The following SHANK2 variants were observed in gnomAD, a reference collection of about 807,000 sequenced individuals.
SHANK2 encodes SH3 and multiple ankyrin repeat domains 2.
Under a neutral mutation model 133.7 loss-of-function variants are expected in SHANK2, and 43 were observed. That is an observed-to-expected ratio of 0.32 (90% CI 0.25 to 0.41). The LOEUF is 0.41. SHANK2 is among the 10% of genes least tolerant of loss of function. SHANK2 has a pLI of 1.00. For synonymous variants in SHANK2, 1,017 were observed against 952.8 expected (o/e 1.07, Z -1.24); for missense variants, 1,994 against 2,235.8 (o/e 0.89, Z 2.18).
At chr11:71,249,420 C>T (rs782356848) in intron 1 of SHANK2, among the ~76,000 whole-genome samples, 36 of 152,170 alleles carry the variant, frequency 2.4e-4, no homozygotes, top group Non-Finnish European at 4.3e-4. Context: ...AGTGGAGGCT[C>T]CTGAAGAGGC....
intron 11 of SHANK2, among the ~76,000 whole-genome samples, chr11:70,873,701 G>A (rs1031488571): frequency 1.3e-5 from 2 of 150,938 alleles, no homozygotes; most frequent in East Asian, 1.9e-4. Context: ...CATTGAGTGC[G>A]TCCCCTGCTC....
At chr11:71,105,159 C>T (rs1326045380) in intron 6 of SHANK2, among the ~76,000 whole-genome samples, 2 of 152,162 alleles carry the variant, frequency 1.3e-5, no homozygotes, top group Non-Finnish European at 2.9e-5. Flanking sequence ...AAAGGAAACG[C>T]GCTTCCAAGC....
At chr11:70,802,784 A>AC (rs562212652) in intron 13 of SHANK2, among the ~76,000 whole-genome samples, 1 of 151,398 alleles carries the variant, frequency 6.6e-6, no homozygotes, top group Non-Finnish European at 1.5e-5. Flanking sequence ...CTGTGCCCCC[A>AC]CCCCCCAGCA....
In SHANK2 at chr11:70,502,908, T is replaced by G; in HGVS notation, c.2085A>C (p.Lys695Asn). 6.2e-7 allele frequency: 1 copy of G among 1,614,132 alleles called. No individual in the cohort carries two copies. Among genetic ancestry groups the G allele is most frequent in the South Asian group, 1.1e-5 (1 of 91,086 alleles). The change falls in exon 18 of 26, where the codon AAA (lysine) becomes AAC (asparagine). Residue 695 changes from lysine to asparagine, a missense_variant. Coordinates refer to ENST00000601538, the MANE Select transcript of SHANK2 (RefSeq NM_012309.5). ...TGTTCACCACCTGCCTGTGGCCGACTTTGACAACATTCTCATTGTTAACCT... is the reference window on the plus strand; with the variant it reads ...TGTTCACCACCTGCCTGTGGCCGACGTTGACAACATTCTCATTGTTAACCT... The part of the protein sequence containing the change: ...LIEVNNENVV[K>N]VGHRQVVNMI...
At chr11:70,860,502 A>G (rs574626779) in intron 11 of SHANK2, among the ~76,000 whole-genome samples, 72 of 152,334 alleles carry the variant, frequency 4.7e-4, no homozygotes, top group African/African-American at 1.5e-3. Flanking sequence ...TCGTCTGTCC[A>G]TCTTCAATCC....
intron 11 of SHANK2, among the ~76,000 whole-genome samples, chr11:70,869,779 G>A (rs988324853): frequency 6.6e-6 from 1 of 152,168 alleles, no homozygotes; most frequent in Non-Finnish European, 1.5e-5. Context: ...AGTCCATGGT[G>A]GTGTTGTTGG....
At chr11:70,806,939 G>C (rs1296865528) in intron 13 of SHANK2, 63 bp downstream of exon 13, 1 of 674,292 alleles carries the variant, frequency 1.5e-6, no homozygotes, top group African/African-American at 1.8e-5. Flanking sequence ...CCCACAGCAG[G>C]CCGGGTGAAG....
chr11:70,716,488 CTTT>C (rs1420882208), intron 14 of SHANK2, among the ~76,000 whole-genome samples: 2 of 152,214 alleles, frequency 1.3e-5, no homozygotes, highest in Non-Finnish European at 1.5e-5. Flanking sequence ...ACAGCTGCTT[CTTT>C]ATTGCTCGGG....
At chr11:71,245,534 T>C (rs1284053374) in intron 1 of SHANK2, among the ~76,000 whole-genome samples, 1 of 152,200 alleles carries the variant, frequency 6.6e-6, no homozygotes, top group South Asian at 2.1e-4. Context: ...CTGCTTTACC[T>C]GAAAGTGAAC....
chr11:70,528,616 A>C (rs1213474975), intron 17 of SHANK2, among the ~76,000 whole-genome samples: 10 of 152,096 alleles, frequency 6.6e-5, no homozygotes, highest in Non-Finnish European at 1.5e-4. Flanking sequence ...CCCAGGCAGA[A>C]GCAGGCCCGG....
At chr11:70,687,321 A>G (rs960125230) in intron 15 of SHANK2, among the ~76,000 whole-genome samples, 14 of 152,340 alleles carry the variant, frequency 9.2e-5, no homozygotes, top group African/African-American at 3.4e-4. Context: ...TCAGATCAGC[A>G]CACTTCATTA....
chr11:71,096,756 A>C (rs1351024882), intron 6 of SHANK2, among the ~76,000 whole-genome samples: 1 of 152,226 alleles, frequency 6.6e-6, no homozygotes, highest in East Asian at 1.9e-4. Flanking sequence ...CCTTTTGCCC[A>C]ATGCAAAAAG....
intron 10 of SHANK2, among the ~76,000 whole-genome samples, chr11:70,937,750 C>T (rs7124463): frequency 0.28 from 43,014 of 151,604 alleles, 7,226 homozygotes; most frequent in African/African-American, 0.47. Context: ...GAAAAAAGGT[C>T]TAGGTCAAGT....
intron 7 of SHANK2, among the ~76,000 whole-genome samples, chr11:71,092,932 C>G (rs1951543226): frequency 6.6e-6 from 1 of 150,600 alleles, no homozygotes; most frequent in Non-Finnish European, 1.5e-5. Context: ...ATCCCAGCTA[C>G]TTGGGAGGCT....
intron 17 of SHANK2, among the ~76,000 whole-genome samples, chr11:70,638,848 T>C (rs901022285): frequency 6.6e-6 from 1 of 151,764 alleles, no homozygotes; most frequent in Non-Finnish European, 1.5e-5. Flanking sequence ...AATACAAAAA[T>C]TAGCTGGGCA....
At chr11:70,637,106 T>A (rs782684206) in intron 17 of SHANK2, among the ~76,000 whole-genome samples, 1 of 151,548 alleles carries the variant, frequency 6.6e-6, no homozygotes. Flanking sequence ...GGTACCTGTG[T>A]GTATGTGCAC....
chr11:71,167,519 A>T (rs1381750678), intron 2 of SHANK2, among the ~76,000 whole-genome samples: 1 of 98,184 alleles, frequency 1.0e-5, no homozygotes, highest in African/African-American at 4.5e-5. Flanking sequence ...CCTCCCAGAC[A>T]GGGCGGCTGG....
rs547859201 is a variant in SHANK2 at position 71,199,723 on chromosome 11, C to T, written c.-13+24974G>A. Among the ~76,000 whole-genome samples the T allele has an allele frequency of 2.6e-5, 4 of 152,258 alleles. No homozygotes were observed. In the East Asian group the frequency reaches 5.8e-4, roughly 22 times the overall value. ...CAGGAACCGTGGAAGGAAAGCTGGC[C>T]GCACGGACACCGCACCCTGCCATAG... On this transcript the variant is annotated intron_variant, in intron 2 of 25. Transcript: ENST00000601538.
chr11:70,736,979 C>G (rs1471415949), intron 14 of SHANK2, among the ~76,000 whole-genome samples: 4 of 152,296 alleles, frequency 2.6e-5, no homozygotes, highest in East Asian at 3.9e-4. Flanking sequence ...ATCCCAGTTT[C>G]TGTGTGAATT....
Sources: gnomAD v4.1 joint callset for allele counts (sites outside exome capture counted in the v4.1 genomes callset) on GRCh38, gnomAD v4.1.1 for gene constraint, MANE v1.5 for transcripts, NCBI Gene and HGNC (gene_info 2026-07-23, HGNC 2026-07-21) for gene names.